The following PPP1R13B variants were observed in gnomAD, a reference collection of about 807,000 sequenced individuals.
PPP1R13B encodes apoptosis-stimulating of p53 protein 1.
A neutral mutation model predicts 119.8 loss-of-function variants in PPP1R13B; 44 were observed. The ratio of observed to expected loss-of-function variants is 0.37; its 90% CI spans 0.29 to 0.47. The LOEUF (loss-of-function observed/expected upper bound fraction) is 0.47, where lower values mean the gene tolerates loss of function less well. PPP1R13B is among the 20% of genes least tolerant of loss of function. The pLI, the probability that PPP1R13B is intolerant of heterozygous loss-of-function variation, is 0.99. For missense variants in PPP1R13B, 1,227 were observed against 1,413.5 expected, an observed-to-expected ratio of 0.87 and a Z score of 2.12; for synonymous variants, 542 against 561.5, an observed-to-expected ratio of 0.97 and a Z score of 0.49.
intron 1 of PPP1R13B, among the ~76,000 whole-genome samples, chr14:103,804,871 A>T (rs928210032): frequency 3.9e-5 from 6 of 152,198 alleles, no homozygotes; most frequent in Non-Finnish European, 1.5e-5. Flanking sequence ...GCTATTTTGC[A>T]TAACAGTCCA....
intron 1 of PPP1R13B, 52 bp downstream of exon 1, chr14:103,847,247 G>C (rs992746329): frequency 7.2e-5 from 84 of 1,159,136 alleles, no homozygotes; most frequent in Non-Finnish European, 8.7e-5. Context: ...AGGAGGTTTG[G>C]CCAGCGGCCC....
chr14:103,773,693 T>C (rs946105706), intron 4 of PPP1R13B, among the ~76,000 whole-genome samples: 1 of 152,100 alleles, frequency 6.6e-6, no homozygotes, highest in African/African-American at 2.4e-5. Flanking sequence ...ATCTTCAAAG[T>C]TTCAGGAACT....
chr14:103,816,639 A>G (rs1030803944), intron 1 of PPP1R13B, among the ~76,000 whole-genome samples: 1 of 150,342 alleles, frequency 6.7e-6, no homozygotes, highest in African/African-American at 2.4e-5. Flanking sequence ...ACTGCACTCT[A>G]GCCTGGGCAA....
In PPP1R13B at chr14:103,734,054, T is replaced by C. The variant is rs550674722; in HGVS notation, c.*1100A>G. The C allele has an allele frequency of 2.1e-4, 34 of 161,654 alleles. No homozygotes were observed. Among genetic ancestry groups the C allele is most frequent in the Non-Finnish European group, 3.9e-4 (28 of 72,694 alleles). The allele number at this position is 161,654 out of a possible 1,614,324, so 10.0% of individuals were successfully genotyped here. ...AGCTTTGAATGGTCTAGTCAAAAAA[T>C]ACTTTTGGTATATAAAAAGCCTGTA... is the stretch of plus-strand genomic sequence containing the variant. On this transcript the variant is annotated 3_prime_UTR_variant, in exon 17 of 17. Coordinates refer to ENST00000202556, the MANE Select transcript of PPP1R13B (RefSeq NM_015316.3).
rs143814102 is a variant in PPP1R13B, at chr14:103,836,383, T to C, written c.9+10916A>G. The stretch of plus-strand genomic sequence containing the variant: ...TTACATATAGTAACAGACAATGCTC[T>C]AAGCACCTGACAATCCTAACAGTAT... On this transcript the variant is annotated intron_variant, in intron 1 of 16. Transcript: ENST00000202556. Among the ~76,000 whole-genome samples, 343 of 152,244 alleles carry C rather than the reference T, an allele frequency of 2.3e-3. 2 individuals carry two copies. The highest frequency in any genetic ancestry group is 7.4e-3 in the African/African-American group (308 of 41,556).
At position 103,740,137 on chromosome 14, in the gene PPP1R13B, T is replaced by C; in HGVS notation, c.2279A>G (p.Asn760Ser). Residue 760 changes from asparagine to serine, a missense_variant, in exon 12 of 17, where the codon AAT becomes AGT. Coordinates refer to ENST00000202556, the MANE Select transcript of PPP1R13B (RefSeq NM_015316.3). This position sits in a 1 kb window ranked among gnomAD's most constrained non-coding sequence, Gnocchi z 4.6. The stretch of plus-strand genomic sequence containing the variant: ...GTTTCCATTGGCATTGGTGTTTCCA[T>C]TGTCCACATCGGCCAAGGTGCCCAT... ...DFMGTLADVD[N>S]GNTNANGNLE... The C allele has an allele frequency of 1.2e-6, 2 of 1,613,542 alleles. No homozygotes were observed. Among genetic ancestry groups the C allele is most frequent in the South Asian group, 1.1e-5 (1 of 91,078 alleles).
chr14:103,847,215 G>A, intron 1 of PPP1R13B, 84 bp downstream of exon 1: 5 of 1,067,818 alleles, frequency 4.7e-6, no homozygotes, highest in Non-Finnish European at 5.7e-6. Flanking sequence ...CCGGCCCGCG[G>A]GGGCTGGGAG....
At chr14:103,803,371 C>T (rs1457312257) in intron 1 of PPP1R13B, among the ~76,000 whole-genome samples, 2 of 152,098 alleles carry the variant, frequency 1.3e-5, no homozygotes, top group Non-Finnish European at 2.9e-5. Context: ...GGGCCGGGTG[C>T]GGTGGCTCAC....
intron 1 of PPP1R13B, among the ~76,000 whole-genome samples, chr14:103,819,745 C>T (rs1441703925): frequency 2.2e-5 from 3 of 138,726 alleles, no homozygotes; most frequent in African/African-American, 8.2e-5. Context: ...CCAGAGCTCC[C>T]CTGTTTCTGC....
rs191048594 is a variant in PPP1R13B at position 103,751,300 on chromosome 14, T to C, written c.829-1366A>G. Among the ~76,000 whole-genome samples, 9 of 152,366 alleles carry C rather than the reference T, an allele frequency of 5.9e-5. No homozygotes were observed. In the East Asian group the frequency reaches 7.7e-4, roughly 13 times the overall value. ...GCACTTTTAACAATCGCTTAAAATGTAGAAGTCATGAAACCTTATAATACT... is the reference window on the plus strand; with the variant it reads ...GCACTTTTAACAATCGCTTAAAATGCAGAAGTCATGAAACCTTATAATACT... On this transcript the variant is annotated intron_variant, in intron 7 of 16. Transcript: ENST00000202556.
At chr14:103,763,782 C>T (rs1478154331) in intron 4 of PPP1R13B, 2 of 152,246 alleles carry the variant, frequency 1.3e-5, no homozygotes, top group Non-Finnish European at 2.9e-5. Flanking sequence ...CCAAAAGTTA[C>T]CTCATGCCAT....
In PPP1R13B at chr14:103,734,693, T is replaced by C. The variant is rs1243337439; in HGVS notation, c.*461A>G. 2 of 457,398 alleles carry C rather than the reference T, an allele frequency of 4.4e-6. No homozygotes were observed. The highest frequency in any genetic ancestry group is 2.3e-5 in the Admixed American group (1 of 42,600). The allele number at this position is 457,398 out of a possible 1,614,324, so 28.3% of individuals were successfully genotyped here. On this transcript the variant is annotated 3_prime_UTR_variant, in exon 17 of 17. Coordinates refer to ENST00000202556, the MANE Select transcript of PPP1R13B (RefSeq NM_015316.3). The stretch of plus-strand genomic sequence containing the variant: ...GGTGATGAAGGGAAGAAGGATCATG[T>C]GTGGGAAGTGTGAGAAAGGATGAGT...
At chr14:103,818,786 T>C (rs2086336892) in intron 1 of PPP1R13B, among the ~76,000 whole-genome samples, 1 of 152,194 alleles carries the variant, frequency 6.6e-6, no homozygotes, top group Non-Finnish European at 1.5e-5. Flanking sequence ...GATTTGGCAC[T>C]GACAAAATGG....
intron 1 of PPP1R13B, among the ~76,000 whole-genome samples, chr14:103,832,108 TAA>T (rs757832334): frequency 2.9e-5 from 4 of 139,502 alleles, no homozygotes; most frequent in Non-Finnish European, 3.2e-5. Flanking sequence ...CCCTATCTCT[TAA>T]AAAAAAAAAA....
At chr14:103,839,782 G>C (rs1031299536) in intron 1 of PPP1R13B, among the ~76,000 whole-genome samples, 2 of 152,064 alleles carry the variant, frequency 1.3e-5, no homozygotes, top group Non-Finnish European at 2.9e-5. Flanking sequence ...GCCTACTTTT[G>C]TTTCTCCAGC....
intron 2 of PPP1R13B, among the ~76,000 whole-genome samples, chr14:103,789,543 T>C (rs751028203): frequency 2.4e-4 from 36 of 150,880 alleles, no homozygotes; most frequent in Non-Finnish European, 4.7e-4. Flanking sequence ...GATGGAGTCT[T>C]ACTGTGTCGT....
chr14:103,749,743 C>CT (rs2084492074), intron 8 of PPP1R13B, 51 bp downstream of exon 8: 6 of 1,576,488 alleles, frequency 3.8e-6, no homozygotes, highest in Non-Finnish European at 4.3e-6. Context: ...ATGGGCAATG[C>CT]TTGGATAAAC....
upstream of PPP1R13B, chr14:103,847,677 G>C: frequency 1.1e-6 from 1 of 947,668 alleles, no homozygotes; most frequent in Non-Finnish European, 1.3e-6. Flanking sequence ...CCCGGTGGGA[G>C]CGGGGGCGGG....
At chr14:103,758,034 G>A (rs1386609510) in intron 4 of PPP1R13B, among the ~76,000 whole-genome samples, 1 of 152,132 alleles carries the variant, frequency 6.6e-6, no homozygotes, top group African/African-American at 2.4e-5. Flanking sequence ...TCCTCCTTCT[G>A]GAATGACAAT....
Sources: allele counts gnomAD v4.1 joint callset (sites outside exome capture counted in the v4.1 genomes callset), GRCh38; gene constraint gnomAD v4.1.1; non-coding constraint Gnocchi (gnomAD v3.1); transcripts MANE v1.5; gene names NCBI Gene and HGNC (gene_info 2026-07-23, HGNC 2026-07-21).